LARGE1: variants seen among roughly 807,000 people sequenced by gnomAD.
LARGE1 encodes xylosyl- and glucuronyltransferase LARGE1.
A neutral mutation model predicts 87.6 loss-of-function variants in LARGE1; 43 were observed. That is an observed-to-expected ratio of 0.49 (90% CI 0.38 to 0.63). The LOEUF (loss-of-function observed/expected upper bound fraction) is 0.63, where lower values mean the gene tolerates loss of function less well. Among genes scored for constraint, LARGE1 ranks in the 30% least tolerant of loss-of-function variants. The pLI is 0.00. For missense variants in LARGE1, 802 were observed against 1,000.2 expected (o/e 0.80, Z 2.67); for synonymous variants, 434 against 394.6 (o/e 1.10, Z -1.18).
intron 2 of LARGE1, among the ~76,000 whole-genome samples, chr22:33,673,736 C>T (rs184070317): frequency 4.1e-4 from 62 of 152,204 alleles, no homozygotes; most frequent in African/African-American, 1.3e-3. Context: ...CTTGCTCTGT[C>T]GCCCAGGCTG....
chr22:33,073,045 C>T, the LARGE1 span, among the ~76,000 whole-genome samples: 46,250 of 152,062 alleles, frequency 0.3, 7,530 homozygotes, highest in Admixed American at 0.38. Context: ...CATAATTTCC[C>T]TGATGATGGG....
intron 1 of LARGE1, among the ~76,000 whole-genome samples, chr22:33,809,264 C>A (rs2086416068): frequency 1.2e-5 from 1 of 86,448 alleles, no homozygotes; most frequent in African/African-American, 3.5e-5. Flanking sequence ...GAGTGAGACT[C>A]CATCTCAAAA....
intron 2 of LARGE1, among the ~76,000 whole-genome samples, chr22:33,703,638 G>A (rs768123948): frequency 3.9e-5 from 6 of 152,206 alleles, no homozygotes; most frequent in Non-Finnish European, 8.8e-5. Context: ...AGAAAGTGGT[G>A]TGATTCATTT....
At chr22:33,140,219 C>T in the LARGE1 span, among the ~76,000 whole-genome samples, 8 of 152,144 alleles carry the variant, frequency 5.3e-5, no homozygotes, top group Admixed American at 3.3e-4. Flanking sequence ...CAGCCTCCCC[C>T]TTCTGGGAAG....
At chr22:33,288,356 A>G (rs543496110) in intron 12 of LARGE1, among the ~76,000 whole-genome samples, 25 of 152,246 alleles carry the variant, frequency 1.6e-4, no homozygotes, top group Non-Finnish European at 2.9e-4. Context: ...TAACACAGAA[A>G]TCCTGCCTCA....
At chr22:33,702,110 G>A (rs532516601) in intron 2 of LARGE1, among the ~76,000 whole-genome samples, 63 of 152,156 alleles carry the variant, frequency 4.1e-4, no homozygotes, top group Non-Finnish European at 8.4e-4. Context: ...AAAAGTCAAG[G>A]TAAAGCACTA....
At chr22:33,280,837 G>A (rs1930305908) in intron 13 of LARGE1, among the ~76,000 whole-genome samples, 1 of 152,220 alleles carries the variant, frequency 6.6e-6, no homozygotes, top group Non-Finnish European at 1.5e-5. Context: ...ACTTGAGTAT[G>A]CATTAGAATT....
At chr22:33,353,883 A>G (rs1326830289) in intron 9 of LARGE1, among the ~76,000 whole-genome samples, 1 of 152,264 alleles carries the variant, frequency 6.6e-6, no homozygotes, top group Non-Finnish European at 1.5e-5. Flanking sequence ...GCAACAGAGT[A>G]CCTGAGGCCA....
chr22:33,911,328 C>T (rs1251545693), intron 1 of LARGE1, among the ~76,000 whole-genome samples: 3 of 152,156 alleles, frequency 2.0e-5, no homozygotes, highest in Admixed American at 6.5e-5. Context: ...CCTTGGTAGT[C>T]TCTCAATACA....
intron 4 of LARGE1, among the ~76,000 whole-genome samples, chr22:33,617,230 A>G (rs2079606473): frequency 6.6e-6 from 1 of 152,186 alleles, no homozygotes; most frequent in Non-Finnish European, 1.5e-5. Context: ...CTCAAGACTA[A>G]CGGCCATAAA....
At chr22:33,111,147 A>G in the LARGE1 span, among the ~76,000 whole-genome samples, 1 of 152,120 alleles carries the variant, frequency 6.6e-6, no homozygotes, top group Non-Finnish European at 1.5e-5. Flanking sequence ...AGTTATTATC[A>G]AACCTCCCTA....
intron 1 of LARGE1, among the ~76,000 whole-genome samples, chr22:33,807,042 C>G (rs1170476173): frequency 6.6e-6 from 1 of 152,108 alleles, no homozygotes; most frequent in Non-Finnish European, 1.5e-5. Context: ...CAATTTCAAA[C>G]CATGCAACTT....
intron 1 of LARGE1, among the ~76,000 whole-genome samples, chr22:33,765,076 T>C (rs1361885701): frequency 1.3e-5 from 2 of 152,202 alleles, no homozygotes; most frequent in Non-Finnish European, 2.9e-5. Flanking sequence ...CACTTTTCTA[T>C]ATTTTTTTGC....
intron 1 of LARGE1, among the ~76,000 whole-genome samples, chr22:33,900,963 C>A (rs961685478): frequency 1.3e-5 from 2 of 152,194 alleles, no homozygotes; most frequent in African/African-American, 4.8e-5. Flanking sequence ...AGGAGAATCG[C>A]TTGAACCCGG....
chr22:33,666,502 G>T (rs2081271468), intron 2 of LARGE1, among the ~76,000 whole-genome samples: 1 of 152,188 alleles, frequency 6.6e-6, no homozygotes, highest in South Asian at 2.1e-4. Context: ...AAGCAATCCT[G>T]CTACTGCCAA....
At chr22:33,687,965 C>A (rs542685802) in intron 2 of LARGE1, among the ~76,000 whole-genome samples, 6 of 152,344 alleles carry the variant, frequency 3.9e-5, no homozygotes, top group Non-Finnish European at 7.3e-5. Context: ...AGACCCACCA[C>A]AACCTCACAT....
At chr22:33,505,343 T>C (rs1454067664) in intron 6 of LARGE1, among the ~76,000 whole-genome samples, 1 of 152,142 alleles carries the variant, frequency 6.6e-6, no homozygotes, top group African/African-American at 2.4e-5. Context: ...CAGGTTTCTG[T>C]CTGGAGCTAC....
At chr22:33,706,509 A>G (rs1201624498) in intron 2 of LARGE1, among the ~76,000 whole-genome samples, 1 of 152,204 alleles carries the variant, frequency 6.6e-6, no homozygotes, top group African/African-American at 2.4e-5. Context: ...CCATAACTCA[A>G]TGTGTTACCT....
intron 11 of LARGE1, among the ~76,000 whole-genome samples, chr22:33,239,610 C>T (rs1025582655): frequency 1.7e-4 from 24 of 140,986 alleles, no homozygotes; most frequent in Non-Finnish European, 3.0e-4. Context: ...GCGATCTCGG[C>T]TCACTGCAAC....
Sources: gnomAD v4.1 joint callset for allele counts (sites outside exome capture counted in the v4.1 genomes callset) on GRCh38, gnomAD v4.1.1 for gene constraint, MANE v1.5 for transcripts, NCBI Gene and HGNC (gene_info 2026-07-23, HGNC 2026-07-21) for gene names.